CCDC178: variants seen among roughly 807,000 people sequenced by gnomAD.
CCDC178 encodes the protein coiled-coil domain containing 178, also known as coiled-coil domain-containing protein 178.
Under a neutral mutation model 117.4 loss-of-function variants are expected in CCDC178, and 126 were observed. The ratio of observed to expected loss-of-function variants is 1.07; its 90% CI spans 0.93 to 1.24. The LOEUF (loss-of-function observed/expected upper bound fraction) is 1.24. Among genes scored for constraint, CCDC178 ranks in the 50% most tolerant of loss-of-function variants. The probability of loss-of-function intolerance (pLI) is 0.00; values close to 1 mark genes in which losing one functional copy is unlikely to be tolerated. For synonymous variants in CCDC178, 283 were observed against 313.4 expected (o/e 0.90, Z 1.02); for missense variants, 1,030 against 986.9 (o/e 1.04, Z -0.59).
In CCDC178 at chr18:33,326,709, C is replaced by T. The variant is rs150333647; in HGVS notation, c.880-3076G>A. ...TTCTCGTGTTTTGGGCTTCTAGTCA[C>T]CATCTTTGTCTGCTAACTTATATTG... On this transcript the variant is annotated intron_variant, in intron 10 of 22. Coordinates refer to ENST00000383096, the MANE Select transcript of CCDC178 (RefSeq NM_001105528.4). 4.2e-3 allele frequency among the ~76,000 whole-genome samples: 629 copies of T among 151,214 alleles called. 4 individuals are homozygous for T. Among genetic ancestry groups the T allele is most frequent in the Non-Finnish European group, 6.5e-3 (438 of 67,824 alleles).
chr18:32,954,051 GT>G (rs2054544364), intron 22 of CCDC178: 1 of 152,054 alleles, frequency 6.6e-6, no homozygotes, highest in Non-Finnish European at 1.5e-5. Flanking sequence ...ACAATACGGT[GT>G]CCCTACTTGC....
chr18:33,138,096 G>T (rs1423171742), intron 20 of CCDC178, among the ~76,000 whole-genome samples: 1 of 152,130 alleles, frequency 6.6e-6, no homozygotes, highest in African/African-American at 2.4e-5. Context: ...TATGTGAAAG[G>T]TATAAAGGTA....
intron 20 of CCDC178, among the ~76,000 whole-genome samples, chr18:33,133,737 A>G (rs111319976): frequency 6.6e-6 from 1 of 151,970 alleles, no homozygotes; most frequent in African/African-American, 2.4e-5. Context: ...ATTTAAATAT[A>G]TGCCTATTTA....
At chr18:33,045,045 T>G (rs190650493) in intron 21 of CCDC178, among the ~76,000 whole-genome samples, 9 of 152,200 alleles carry the variant, frequency 5.9e-5, no homozygotes, top group African/African-American at 1.9e-4. Flanking sequence ...AAAATTTACC[T>G]ATTGAGTATA....
At chr18:33,247,584 A>T (rs1430655372) in intron 14 of CCDC178, among the ~76,000 whole-genome samples, 2 of 151,914 alleles carry the variant, frequency 1.3e-5, no homozygotes, top group Non-Finnish European at 2.9e-5. Context: ...GTGTGTGTGC[A>T]AGCACACACA....
At chr18:33,038,871 A>G (rs932727596) in intron 21 of CCDC178, among the ~76,000 whole-genome samples, 3 of 152,006 alleles carry the variant, frequency 2.0e-5, no homozygotes, top group Non-Finnish European at 4.4e-5. Context: ...TCCTCAACAT[A>G]TGCCAAAGGA....
At chr18:33,433,682 G>A (rs2144978097) in intron 2 of CCDC178, among the ~76,000 whole-genome samples, 1 of 152,232 alleles carries the variant, frequency 6.6e-6, no homozygotes, top group Non-Finnish European at 1.5e-5. Context: ...GCTGTTAGTT[G>A]AGAAAATGTA....
At chr18:33,080,578 A>G (rs983380542) in intron 21 of CCDC178, among the ~76,000 whole-genome samples, 3 of 152,172 alleles carry the variant, frequency 2.0e-5, no homozygotes, top group African/African-American at 7.2e-5. Flanking sequence ...TGACACTTTC[A>G]TCTCATATTC....
chr18:33,065,987 G>A (rs548606298), intron 21 of CCDC178, among the ~76,000 whole-genome samples: 3 of 149,648 alleles, frequency 2.0e-5, no homozygotes, highest in South Asian at 2.1e-4. Flanking sequence ...TCAGCCCCCC[G>A]AGTAGCTGGG....
intron 21 of CCDC178, among the ~76,000 whole-genome samples, chr18:33,053,920 A>G (rs528794078): frequency 3.3e-5 from 5 of 152,306 alleles, no homozygotes; most frequent in African/African-American, 1.2e-4. Context: ...ATAAGTACAT[A>G]AAATCCTTAT....
chr18:33,022,360 CT>C (rs1191068673), intron 21 of CCDC178, among the ~76,000 whole-genome samples: 1 of 152,128 alleles, frequency 6.6e-6, no homozygotes, highest in Non-Finnish European at 1.5e-5. Context: ...CTTTTTCCCC[CT>C]CTTGAGTTTT....
At chr18:33,263,028 A>G (rs562549941) in intron 14 of CCDC178, among the ~76,000 whole-genome samples, 55 of 152,286 alleles carry the variant, frequency 3.6e-4, no homozygotes, top group African/African-American at 1.3e-3. Context: ...ATTTAGAAAA[A>G]GTAGAATTCA....
chr18:33,405,879 C>T (rs79064599), intron 3 of CCDC178, among the ~76,000 whole-genome samples: 241 of 152,104 alleles, frequency 1.6e-3, no homozygotes, highest in African/African-American at 5.6e-3. Flanking sequence ...AGATACAGTA[C>T]TAGTACCAAA....
intron 5 of CCDC178, among the ~76,000 whole-genome samples, chr18:33,380,361 T>C (rs2063425910): frequency 6.6e-6 from 1 of 152,222 alleles, no homozygotes; most frequent in South Asian, 2.1e-4. Context: ...GAGACTAACG[T>C]GCCTGTGCAG....
intron 21 of CCDC178, among the ~76,000 whole-genome samples, chr18:33,091,324 C>CTTTTATTTTTTTTT (rs2057459758): frequency 2.3e-5 from 1 of 43,882 alleles, no homozygotes; most frequent in Non-Finnish European, 4.1e-5. Flanking sequence ...TTATTTCATT[C>CTTTTATTTTTTTTT]TTTTTTTTTT....
At chr18:33,019,104 T>G (rs1439334281) in intron 21 of CCDC178, among the ~76,000 whole-genome samples, 2 of 152,188 alleles carry the variant, frequency 1.3e-5, no homozygotes, top group Non-Finnish European at 2.9e-5. Context: ...CTTCTCATAT[T>G]CATATTTAAG....
intron 20 of CCDC178, among the ~76,000 whole-genome samples, chr18:33,155,862 C>A (rs1421934013): frequency 6.6e-6 from 1 of 151,966 alleles, no homozygotes; most frequent in African/African-American, 2.4e-5. Flanking sequence ...GGGGGTATTT[C>A]ATGGTGGTTA....
chr18:33,092,356 C>T (rs2057478807), intron 21 of CCDC178, among the ~76,000 whole-genome samples: 1 of 151,968 alleles, frequency 6.6e-6, no homozygotes, highest in East Asian at 1.9e-4. Flanking sequence ...TCCAATTAAT[C>T]TCCATATCTA....
intron 20 of CCDC178, among the ~76,000 whole-genome samples, chr18:33,204,062 A>G (rs1183016666): frequency 6.6e-6 from 1 of 152,164 alleles, no homozygotes; most frequent in Non-Finnish European, 1.5e-5. Context: ...ATGACAAAGG[A>G]AAACAAAAGA....
Sources: gnomAD v4.1 joint callset for allele counts (sites outside exome capture counted in the v4.1 genomes callset) on GRCh38, gnomAD v4.1.1 for gene constraint, MANE v1.5 for transcripts, NCBI Gene and HGNC (gene_info 2026-07-23, HGNC 2026-07-21) for gene names.